VWF: variants seen among roughly 807,000 people sequenced by gnomAD.
VWF encodes von Willebrand factor.
A neutral mutation model predicts 308.6 loss-of-function variants in VWF; 176 were observed. The ratio of observed to expected loss-of-function variants is 0.57; its 90% confidence interval spans 0.50 to 0.65. The LOEUF (loss-of-function observed/expected upper bound fraction) is 0.65. Among genes scored for constraint, VWF ranks in the 30% least tolerant of loss-of-function variants. The probability of loss-of-function intolerance (pLI) is 0.00; values close to 1 mark genes in which losing one functional copy is unlikely to be tolerated. For synonymous variants in VWF, 1,385 were observed against 1,443.4 expected, an observed-to-expected ratio of 0.96 and a Z score of 0.92; for missense variants, 3,146 against 3,648.2, an observed-to-expected ratio of 0.86 and a Z score of 3.55.
Position 6,068,500 on chromosome 12 carries a change from C to T in VWF, c.1156+2797G>A, listed in dbSNP as rs140853153. 6.3e-3 allele frequency among the ~76,000 whole-genome samples: 952 copies of T among 152,020 alleles called. 12 individuals carry two copies. The highest frequency in any genetic ancestry group is 8.5e-3 in the Non-Finnish European group (576 of 67,950). ...CTTTTTTTTTTTCCTGAGACAGTCT[C>T]GCTCTGTTGCCCGGCGTGGAGTGCA... is the stretch of plus-strand genomic sequence containing the variant. On this transcript the variant is annotated intron_variant, in intron 10 of 51. Coordinates refer to ENST00000261405, the MANE Select transcript of VWF (RefSeq NM_000552.5).
rs545514163 is a variant in VWF, at chr12:6,058,591, C to G, written c.1534-547G>C. 5.3e-5 allele frequency among the ~76,000 whole-genome samples: 8 copies of G among 152,302 alleles called. No individual in the cohort carries two copies. The South Asian group carries it at 1.7e-3, about 32-fold the overall frequency. ...GCTCACGGTTAATGACAAGAAACACCTCCCCACAACCTGCTGCCTGCCACT... is the reference window on the plus strand; with the variant it reads ...GCTCACGGTTAATGACAAGAAACACGTCCCCACAACCTGCTGCCTGCCACT... On this transcript the variant is annotated intron_variant, in intron 13 of 51. Coordinates refer to ENST00000261405, the MANE Select transcript of VWF (RefSeq NM_000552.5). The surrounding 1 kb of genome is among the most constrained non-coding windows in gnomAD (Gnocchi z 4.9).
At chr12:6,092,464 C>T (rs1945045775) in intron 6 of VWF, among the ~76,000 whole-genome samples, 1 of 152,058 alleles carries the variant, frequency 6.6e-6, no homozygotes, top group African/African-American at 2.4e-5. Context: ...CACCTCAGCC[C>T]TCCCATTAGC....
intron 47 of VWF, among the ~76,000 whole-genome samples, chr12:5,965,128 C>T (rs1176786044): frequency 6.6e-6 from 1 of 152,128 alleles, no homozygotes; most frequent in Non-Finnish European, 1.5e-5. Flanking sequence ...TTGGGTTTTC[C>T]CCAGAACATT....
intron 6 of VWF, among the ~76,000 whole-genome samples, chr12:6,083,233 C>T (rs1944933898): frequency 8.7e-6 from 1 of 114,822 alleles, no homozygotes; most frequent in Admixed American, 9.0e-5. Context: ...GAAGGGTAGT[C>T]TCAAACTTCT....
intron 34 of VWF, among the ~76,000 whole-genome samples, chr12:6,007,076 A>G (rs1236764558): frequency 1.3e-5 from 2 of 152,232 alleles, no homozygotes; most frequent in East Asian, 1.9e-4. Flanking sequence ...GCACACAAAT[A>G]TAAGAAGCAA....
chr12:5,998,341 AC>A (rs1163352083), intron 34 of VWF, among the ~76,000 whole-genome samples: 4 of 150,986 alleles, frequency 2.6e-5, no homozygotes, highest in Admixed American at 1.3e-4. Context: ...TACTAAAAAT[AC>A]AAAAAATTAG....
At chr12:6,052,074 C>G (rs1487259677) in intron 16 of VWF, among the ~76,000 whole-genome samples, 1 of 152,208 alleles carries the variant, frequency 6.6e-6, no homozygotes. Flanking sequence ...CTGCAGGAAG[C>G]AAGCATGATT....
chr12:6,063,046 G>T lies in VWF; in HGVS notation c.1441C>A (p.Arg481Ser), dbSNP rs186112213. Residue 481 changes from arginine to serine, a missense_variant, in exon 13 of 52, where the codon CGC becomes AGC. Coordinates refer to ENST00000261405, the MANE Select transcript of VWF (RefSeq NM_000552.5). This position sits in a 1 kb window ranked among gnomAD's most constrained non-coding sequence, Gnocchi z 4.9. ...GAGGCCGTCACTGTATGCTGGATGC[G>T]GAGGTCACCTGGAACCCAGCAGGAC... Reference protein sequence around the residue: ...VQLPLLKGDLRIQHTVTASVR... With the variant: ...VQLPLLKGDLSIQHTVTASVR... 6.2e-7 allele frequency: 1 copy of T among 1,613,216 alleles called. No homozygotes were observed. The highest frequency in any genetic ancestry group is 8.5e-7 in the Non-Finnish European group (1 of 1,179,964).
Position 5,949,177 on chromosome 12 carries a change from G to A in VWF, c.8280C>T (p.Tyr2760=). ...CCTGCACATCGTTGATGTCAATGGA[G>A]TACATGGCTTTGCTGGCACATTTGC... The part of the protein sequence containing the change: ...CQGKCASKAM[Y]SIDINDVQDQ... The change falls in exon 52 of 52, where the codon TAC becomes TAT. Residue 2760 remains tyrosine (Y), a synonymous_variant. Transcript: ENST00000261405. 6.2e-7 allele frequency: 1 copy of A among 1,614,214 alleles called. No individual in the cohort carries two copies. Among genetic ancestry groups the A allele is most frequent in the Non-Finnish European group, 8.5e-7 (1 of 1,180,040 alleles).
intron 3 of VWF, among the ~76,000 whole-genome samples, chr12:6,115,742 T>C (rs1221157267): frequency 6.6e-6 from 1 of 152,174 alleles, no homozygotes; most frequent in Non-Finnish European, 1.5e-5. Context: ...CACTTCCCTG[T>C]GCATGGTGGG....
At position 5,969,220 on chromosome 12, in the gene VWF, A is replaced by G. The variant is rs1475565311; in HGVS notation, c.7720T>C (p.Cys2574Arg). Residue 2574 changes from cysteine to arginine, a missense_variant, in exon 45 of 52, where the codon TGT becomes CGT. By Grantham distance (180) the Cys-to-Arg change is radical. Transcript: ENST00000261405. ...AGCCTGCATGCCTTACCACAGCGAC[A>G]GCTTGGGCAGCACGCTGAGGTCTTA... ...SCKTSACCPS[C>R]RCERMEACML... 1 of 1,613,346 alleles carries G rather than the reference A, an allele frequency of 6.2e-7. No homozygotes were observed. The highest frequency in any genetic ancestry group is 8.5e-7 in the Non-Finnish European group (1 of 1,179,724).
In VWF at chr12:6,056,873, G is replaced by A. The variant is rs1275829723; in HGVS notation, c.1929C>T (p.Arg643=). ...GGCACGCACCACAGCGGCCTGGCTCGCGCCACGCGACGCGCACGCCTCTCC... is the reference window on the plus strand; with the variant it reads ...GGCACGCACCACAGCGGCCTGGCTCACGCCACGCGACGCGCACGCCTCTCC... ...CAGRGVRVAW[R]EPGRCELNCP... is the part of the protein sequence containing the mutation. Residue 643 remains arginine (R), a synonymous_variant, in exon 15 of 52, where the codon CGC becomes CGT. Transcript: ENST00000261405. 2.0e-6 allele frequency: 3 copies of A among 1,470,848 alleles called. No homozygotes were observed. The highest frequency in any genetic ancestry group is 5.4e-5 in the East Asian group (2 of 37,236). 91.1% of individuals were successfully genotyped at this position (1,470,848 alleles called of 1,614,324 possible). A position where few individuals can be genotyped will look rare whatever the true frequency, so the allele number is the denominator to read the frequency against.
intron 3 of VWF, among the ~76,000 whole-genome samples, chr12:6,116,764 C>T (rs1433696238): frequency 6.6e-6 from 1 of 152,208 alleles, no homozygotes. Context: ...ACAGGGGCCT[C>T]GCCTTGGCAC....
intron 6 of VWF, among the ~76,000 whole-genome samples, chr12:6,083,521 C>T (rs1944937188): frequency 6.6e-6 from 1 of 152,168 alleles, no homozygotes; most frequent in African/African-American, 2.4e-5. Flanking sequence ...GCCAAGATTG[C>T]ACCACGGCAC....
intron 49 of VWF, 86 bp from the exon 50 acceptor site, chr12:5,951,969 G>A (rs540070182): frequency 1.1e-5 from 14 of 1,329,398 alleles, no homozygotes; most frequent in Admixed American, 5.0e-5. Flanking sequence ...TTTTAGCTCC[G>A]AACTCACAGC....
chr12:5,955,570 G>A (rs1943239082), intron 47 of VWF, among the ~76,000 whole-genome samples: 1 of 152,122 alleles, frequency 6.6e-6, no homozygotes, highest in African/African-American at 2.4e-5. Flanking sequence ...TGGCTGCATA[G>A]TATTCCATGG....
In VWF at chr12:5,949,738, G is replaced by A. The variant is rs189326726; in HGVS notation, c.8253+48C>T. ...TAACTAAGGATAGGTATCCGAACAC[G>A]GAGGCTCAGCCCTCCACACCCAGCC... On this transcript the variant is annotated intron_variant, in intron 51 of 51. Coordinates refer to ENST00000261405, the MANE Select transcript of VWF (RefSeq NM_000552.5). 2,284 of 1,573,144 alleles carry A rather than the reference G, an allele frequency of 1.5e-3. 3 individuals are homozygous for A. The highest frequency in any genetic ancestry group is 1.8e-3 in the Admixed American group (106 of 59,954).
intron 15 of VWF, among the ~76,000 whole-genome samples, chr12:6,055,487 T>C (rs533712410): frequency 1.3e-5 from 2 of 152,126 alleles, no homozygotes; most frequent in South Asian, 4.1e-4. Flanking sequence ...CCCTAGCCTG[T>C]GGCTCCCCAA....
chr12:5,995,374 T>C (rs1943797611), intron 35 of VWF, among the ~76,000 whole-genome samples: 1 of 152,254 alleles, frequency 6.6e-6, no homozygotes, highest in South Asian at 2.1e-4. Flanking sequence ...TCACTTGATA[T>C]ATGACTAAGA....
Sources: gnomAD v4.1 joint callset for allele counts (sites outside exome capture counted in the v4.1 genomes callset) on GRCh38, gnomAD v4.1.1 for gene constraint, Gnocchi (gnomAD v3.1) non-coding constraint, MANE v1.5 for transcripts, NCBI Gene and HGNC (gene_info 2026-07-23, HGNC 2026-07-21) for gene names.